Variants in ARHGEF10L observed in about 807,000 individuals in gnomAD.
ARHGEF10L encodes the protein rho guanine nucleotide exchange factor 10-like protein.
Under a neutral mutation model 141.2 loss-of-function variants are expected in ARHGEF10L, and 69 were observed. The observed-to-expected ratio is 0.49, with a 90% CI of 0.40 to 0.60. ARHGEF10L has a LOEUF of 0.60. ARHGEF10L is among the 20% of genes least tolerant of loss of function. The pLI is 0.00. For missense variants in ARHGEF10L, 1,482 were observed against 1,734.3 expected, an observed-to-expected ratio of 0.85 and a Z score of 2.58; for synonymous variants, 711 against 718.5, an observed-to-expected ratio of 0.99 and a Z score of 0.17.
intron 9 of ARHGEF10L, among the ~76,000 whole-genome samples, chr1:17,617,609 C>T (rs2059877310): frequency 6.6e-6 from 1 of 152,258 alleles, no homozygotes; most frequent in Non-Finnish European, 1.5e-5. Context: ...GAGGCTTTGT[C>T]TGCTGCCTGC....
Position 17,675,853 on chromosome 1 carries a change from GGT to G in ARHGEF10L, c.3009+11262_3009+11263del, listed in dbSNP as rs199503652. ...AGGTGTGTGTTCAGGTGTGGGTGCA[GGT>G]GTGGGTACAGGTGTGGGTGCAGGTG... On this transcript the variant is annotated intron_variant, in intron 26 of 28. Transcript: ENST00000361221. 6.4e-3 allele frequency among the ~76,000 whole-genome samples: 958 copies of G among 149,518 alleles called. 21 individuals are homozygous for G. The highest frequency in any genetic ancestry group is 0.023 in the African/African-American group (910 of 40,208).
intron 26 of ARHGEF10L, among the ~76,000 whole-genome samples, chr1:17,678,945 A>T (rs1022493566): frequency 2.0e-5 from 3 of 152,226 alleles, no homozygotes; most frequent in African/African-American, 7.2e-5. Context: ...TGGAAATGCT[A>T]GTAAAAATAG....
intron 6 of ARHGEF10L, among the ~76,000 whole-genome samples, chr1:17,606,867 G>A (rs926793122): frequency 4.6e-5 from 7 of 152,316 alleles, no homozygotes; most frequent in African/African-American, 1.7e-4. Context: ...CAGGCTTCAA[G>A]TGGCATCTCA....
intron 1 of ARHGEF10L, among the ~76,000 whole-genome samples, chr1:17,575,253 A>G (rs1451822736): frequency 6.6e-6 from 1 of 152,228 alleles, no homozygotes; most frequent in African/African-American, 2.4e-5. Flanking sequence ...CTTTGAAAAC[A>G]GCCTGTTGGC....
intron 26 of ARHGEF10L, among the ~76,000 whole-genome samples, chr1:17,676,120 G>GTA (rs2063688627): frequency 6.8e-6 from 1 of 147,062 alleles, no homozygotes; most frequent in African/African-American, 2.5e-5. Flanking sequence ...GTGCAGGCAT[G>GTA]GGTGCAGGCG....
the ARHGEF10L span, among the ~76,000 whole-genome samples, chr1:17,533,228 G>T: frequency 6.6e-6 from 1 of 152,208 alleles, no homozygotes; most frequent in Non-Finnish European, 1.5e-5. Flanking sequence ...GGGGATAAAA[G>T]TATCCACTTT....
chr1:17,616,258 G>A lies in ARHGEF10L; in HGVS notation c.835+56G>A, dbSNP rs2059802328. The A allele has an allele frequency of 1.1e-5, 10 of 926,416 alleles. 1 individual carries two copies. Among genetic ancestry groups the A allele is most frequent in the Admixed American group, 1.8e-5 (1 of 55,816 alleles). 57.4% of individuals were successfully genotyped at this position (926,416 alleles called of 1,614,324 possible). ...TGCCCAGCTCTGACTGGGGGTCGGGGAGGGTGGGATTTTGCTTTACACCCC... is the reference window on the plus strand; with the variant it reads ...TGCCCAGCTCTGACTGGGGGTCGGGAAGGGTGGGATTTTGCTTTACACCCC... On this transcript the variant is annotated intron_variant, in intron 9 of 28. Transcript: ENST00000361221.
intron 26 of ARHGEF10L, among the ~76,000 whole-genome samples, chr1:17,679,785 C>T (rs1400130743): frequency 6.6e-6 from 1 of 152,060 alleles, no homozygotes; most frequent in African/African-American, 2.4e-5. Flanking sequence ...TTTCTTGTGC[C>T]CTAGCTATGG....
intron 1 of ARHGEF10L, among the ~76,000 whole-genome samples, chr1:17,572,134 C>T (rs1020269060): frequency 1.3e-5 from 2 of 152,200 alleles, no homozygotes; most frequent in African/African-American, 2.4e-5. Flanking sequence ...GCAACCATCT[C>T]CCTGACCCAG....
intron 16 of ARHGEF10L, among the ~76,000 whole-genome samples, chr1:17,632,818 A>C (rs1249825455): frequency 6.6e-6 from 1 of 152,068 alleles, no homozygotes; most frequent in Non-Finnish European, 1.5e-5. Context: ...CTTTAACTCA[A>C]ATCTGTTTTG....
intron 22 of ARHGEF10L, among the ~76,000 whole-genome samples, chr1:17,650,328 C>G (rs201431226): frequency 6.6e-6 from 1 of 152,214 alleles, no homozygotes; most frequent in African/African-American, 2.4e-5. Flanking sequence ...GTGGGAGGAT[C>G]GCTTGAGCCC....
At chr1:17,670,679 G>A (rs1012943866) in intron 26 of ARHGEF10L, among the ~76,000 whole-genome samples, 14 of 152,236 alleles carry the variant, frequency 9.2e-5, no homozygotes, top group Non-Finnish European at 1.3e-4. Flanking sequence ...TAGTGACAGC[G>A]TGGGGCGTTG....
chr1:17,681,027 C>T (rs2102415470), intron 26 of ARHGEF10L, among the ~76,000 whole-genome samples: 1 of 152,274 alleles, frequency 6.6e-6, no homozygotes, highest in South Asian at 2.1e-4. Context: ...CCCATCTTAG[C>T]CTCCCAAAGT....
At chr1:17,579,940 A>G (rs2078410266) in intron 1 of ARHGEF10L, among the ~76,000 whole-genome samples, 1 of 152,206 alleles carries the variant, frequency 6.6e-6, no homozygotes, top group Non-Finnish European at 1.5e-5. Context: ...CACGCTGAGC[A>G]TTTGGGATTC....
At chr1:17,514,218 C>A in the ARHGEF10L span, among the ~76,000 whole-genome samples, 11 of 150,184 alleles carry the variant, frequency 7.3e-5, no homozygotes, top group East Asian at 1.6e-3. Flanking sequence ...CTTACTGCAA[C>A]CCCGCCTCTT....
chr1:17,687,404 A>G (rs1346161363), intron 26 of ARHGEF10L, among the ~76,000 whole-genome samples, 169 bp from the exon 27 acceptor site: 1 of 152,204 alleles, frequency 6.6e-6, no homozygotes. Context: ...TGGGCTTCTA[A>G]GATTCCAGTT....
intron 25 of ARHGEF10L, among the ~76,000 whole-genome samples, chr1:17,662,202 C>T (rs1287368850): frequency 6.6e-6 from 1 of 152,188 alleles, no homozygotes; most frequent in Non-Finnish European, 1.5e-5. Context: ...GTATCTACCA[C>T]ACATGCTTGT....
chr1:17,593,073 C>T (rs1241283766), intron 4 of ARHGEF10L, among the ~76,000 whole-genome samples: 4 of 152,178 alleles, frequency 2.6e-5, no homozygotes, highest in Non-Finnish European at 4.4e-5. Context: ...TTGAGGACCC[C>T]CACAGCCTCT....
At chr1:17,677,056 C>T (rs2063768519) in intron 26 of ARHGEF10L, among the ~76,000 whole-genome samples, 1 of 152,094 alleles carries the variant, frequency 6.6e-6, no homozygotes, top group Non-Finnish European at 1.5e-5. Flanking sequence ...GGCATGGACG[C>T]TCCATGAGGT....
Sources: allele counts gnomAD v4.1 joint callset (sites outside exome capture counted in the v4.1 genomes callset), GRCh38; gene constraint gnomAD v4.1.1; transcripts MANE v1.5; gene names NCBI Gene and HGNC (gene_info 2026-07-23, HGNC 2026-07-21).